The following NDC1 variants were observed in gnomAD, a reference collection of about 807,000 sequenced individuals.
NDC1 encodes the protein NDC1 transmembrane nucleoporin.
Under a neutral mutation model 89.8 loss-of-function variants are expected in NDC1, and 24 were observed. The observed-to-expected ratio is 0.27, with a 90% confidence interval of 0.19 to 0.38. The LOEUF is 0.38. NDC1 is among the 10% of genes least tolerant of loss of function. The probability of loss-of-function intolerance (pLI) is 1.00; values close to 1 mark genes in which losing one functional copy is unlikely to be tolerated. For synonymous variants in NDC1, 296 were observed against 284.8 expected (o/e 1.04, Z -0.39); for missense variants, 728 against 797.6 (o/e 0.91, Z 1.05).
intron 16 of NDC1, among the ~76,000 whole-genome samples, chr1:53,776,395 G>A (rs1570156807): frequency 6.6e-6 from 1 of 152,280 alleles, no homozygotes; most frequent in Non-Finnish European, 1.5e-5. Flanking sequence ...ATGCTACAAA[G>A]TGAAAAACAA....
chr1:53,788,840 T>C (rs761766014), intron 15 of NDC1, among the ~76,000 whole-genome samples: 20 of 151,668 alleles, frequency 1.3e-4, no homozygotes, highest in Non-Finnish European at 2.1e-4. Context: ...GAGGATACAG[T>C]GAGCCATGTT....
At chr1:53,828,775 C>T (rs1229836293) in intron 3 of NDC1, among the ~76,000 whole-genome samples, 2 of 151,904 alleles carry the variant, frequency 1.3e-5, no homozygotes, top group Non-Finnish European at 2.9e-5. Flanking sequence ...CCATGCCTGG[C>T]TAGTTTTTGT....
chr1:53,812,056 C>T (rs962590983), intron 6 of NDC1, among the ~76,000 whole-genome samples: 6 of 152,134 alleles, frequency 3.9e-5, no homozygotes, highest in African/African-American at 9.7e-5. Flanking sequence ...TAGGAAAAGG[C>T]GGAGAGTACT....
chr1:53,786,749 G>A (rs1312220186), intron 16 of NDC1, among the ~76,000 whole-genome samples: 1 of 152,156 alleles, frequency 6.6e-6, no homozygotes, highest in Non-Finnish European at 1.5e-5. Context: ...CCAGGCTGCA[G>A]TGCAGTGGTG....
At chr1:53,808,100 T>C (rs1648176360) in intron 7 of NDC1, among the ~76,000 whole-genome samples, 1 of 152,224 alleles carries the variant, frequency 6.6e-6, no homozygotes, top group Non-Finnish European at 1.5e-5. Flanking sequence ...GGTGAAAGTT[T>C]ATTATTGTTG....
intron 13 of NDC1, among the ~76,000 whole-genome samples, chr1:53,796,250 T>C (rs529364680): frequency 1.5e-4 from 23 of 152,342 alleles, no homozygotes; most frequent in Admixed American, 7.8e-4. Flanking sequence ...TTGAGATGCA[T>C]CTTACAGTCA....
At chr1:53,788,399 C>T (rs1403249601) in intron 15 of NDC1, among the ~76,000 whole-genome samples, 1 of 151,656 alleles carries the variant, frequency 6.6e-6, no homozygotes, top group Non-Finnish European at 1.5e-5. Context: ...AGTTTGAGAC[C>T]AGCCTAGATA....
intron 9 of NDC1, 35 bp downstream of exon 9, chr1:53,806,390 A>T (rs1181146): frequency 0.059 from 80,716 of 1,360,486 alleles, 5,738 homozygotes; most frequent in African/African-American, 0.35. Flanking sequence ...AAGTTAGAGA[A>T]AACTGTGTGA....
intron 3 of NDC1, among the ~76,000 whole-genome samples, chr1:53,830,409 G>A (rs541056636): frequency 3.2e-4 from 46 of 145,078 alleles, no homozygotes; most frequent in African/African-American, 1.0e-3. Flanking sequence ...AGCCGAGATC[G>A]TGCCACTGCA....
Position 53,772,423 on chromosome 1 carries a change from C to G in NDC1, c.1867G>C (p.Val623Leu). 6.2e-7 allele frequency: 1 copy of G among 1,613,832 alleles called. No homozygotes were observed. The highest frequency in any genetic ancestry group is 8.5e-7 in the Non-Finnish European group (1 of 1,179,826). The change falls in exon 17 of 18, where the codon GTG (valine) becomes CTG (leucine). Residue 623 changes from valine to leucine, a missense_variant. Coordinates refer to ENST00000371429, the MANE Select transcript of NDC1 (RefSeq NM_018087.5). The part of the protein sequence containing the change: ...SKPPRISGSL[V>L]DTSYKTLRFA... The stretch of plus-strand genomic sequence containing the variant: ...CTTAATGTTTTATATGAAGTGTCCA[C>G]AAGGCTTCCTGAAATCCGGGGTGGT...
intron 16 of NDC1, among the ~76,000 whole-genome samples, chr1:53,783,631 G>A (rs1010863982): frequency 6.6e-6 from 1 of 152,212 alleles, no homozygotes; most frequent in African/African-American, 2.4e-5. Flanking sequence ...GCAGTGTTGA[G>A]AGATGGGGCC....
intron 16 of NDC1, among the ~76,000 whole-genome samples, chr1:53,786,221 C>T (rs977339501): frequency 2.6e-5 from 4 of 152,118 alleles, no homozygotes; most frequent in Non-Finnish European, 5.9e-5. Context: ...CCACTGCACC[C>T]GGCCTCCAGA....
At chr1:53,827,305 GC>G (rs1417663260) in intron 4 of NDC1, among the ~76,000 whole-genome samples, 3 of 149,536 alleles carry the variant, frequency 2.0e-5, no homozygotes, top group African/African-American at 7.4e-5. Flanking sequence ...TCACTATGCT[GC>G]CCAGGCTGGA....
rs534384175 is a variant in NDC1 at position 53,780,217 on chromosome 1, C to T, written c.1800+6941G>A. Among the ~76,000 whole-genome samples, 228 of 152,186 alleles carry T rather than the reference C, an allele frequency of 1.5e-3. 1 individual carries two copies. The highest frequency in any genetic ancestry group is 5.3e-3 in the African/African-American group (220 of 41,536). On this transcript the variant is annotated intron_variant, in intron 16 of 17. Transcript: ENST00000371429. The stretch of plus-strand genomic sequence containing the variant: ...CCTCCCGAGTAGCTGGGATTACAAG[C>T]GTCCGCCACCACCCCCGGCTAATTT...
rs754591838 is a variant in NDC1 at position 53,789,177 on chromosome 1, T to C, written c.1655A>G (p.Gln552Arg). The change falls in exon 15 of 18, where the codon CAG becomes CGG. Residue 552 changes from glutamine (Q) to arginine (R), a missense_variant. Coordinates refer to ENST00000371429, the MANE Select transcript of NDC1 (RefSeq NM_018087.5). ...FFSKHPEASI[Q>R]AVFSDAQMHI... is the part of the protein sequence containing the mutation. ...CATTTGGGCATCTGAAAAAACAGCCTGAATGGAGGCCTCTGGGTGCTACAA... is the reference window on the plus strand; with the variant it reads ...CATTTGGGCATCTGAAAAAACAGCCCGAATGGAGGCCTCTGGGTGCTACAA... The C allele has an allele frequency of 2.9e-5, 46 of 1,610,504 alleles. No homozygotes were observed. The highest frequency in any genetic ancestry group is 3.8e-5 in the Non-Finnish European group (45 of 1,178,058).
At chr1:53,822,022 T>C (rs1472240619) in intron 5 of NDC1, among the ~76,000 whole-genome samples, 1 of 152,192 alleles carries the variant, frequency 6.6e-6, no homozygotes, top group African/African-American at 2.4e-5. Flanking sequence ...TTTTTATTAT[T>C]TGTATTTTTT....
In NDC1 at chr1:53,788,722, T is replaced by C. The variant is rs376643123; in HGVS notation, c.1699+411A>G. Reference sequence around the variant, plus strand: ...GATTACAGGCGTGAGCCACCGCAACTGGCCCACAAAAAAGTTTTTAAAACA... The same window carrying C: ...GATTACAGGCGTGAGCCACCGCAACCGGCCCACAAAAAAGTTTTTAAAACA... On this transcript the variant is annotated intron_variant, in intron 15 of 17. Transcript: ENST00000371429. Among the ~76,000 whole-genome samples, 45 of 152,000 alleles carry C rather than the reference T, an allele frequency of 3.0e-4. No individual in the cohort carries two copies. In the East Asian group the frequency reaches 8.4e-3, roughly 28 times the overall value.
At chr1:53,791,673 A>AT (rs1364833218) in intron 14 of NDC1, among the ~76,000 whole-genome samples, 2 of 152,202 alleles carry the variant, frequency 1.3e-5, no homozygotes, top group African/African-American at 4.8e-5. Context: ...ATAATTTATC[A>AT]TATAATAGAC....
chr1:53,807,065 T>C (rs1274889417), intron 8 of NDC1, among the ~76,000 whole-genome samples: 3 of 151,698 alleles, frequency 2.0e-5, no homozygotes, highest in African/African-American at 7.3e-5. Flanking sequence ...GCCAACATGG[T>C]GAAACCCTGT....
Sources: allele counts gnomAD v4.1 joint callset (sites outside exome capture counted in the v4.1 genomes callset), GRCh38; gene constraint gnomAD v4.1.1; transcripts MANE v1.5; gene names NCBI Gene and HGNC (gene_info 2026-07-23, HGNC 2026-07-21).